Variants in COP1 observed in about 807,000 individuals in gnomAD.
The protein encoded by COP1 is COP1 E3 ubiquitin ligase, also known as E3 ubiquitin-protein ligase COP1.
Under a neutral mutation model 101.3 loss-of-function variants are expected in COP1, and 24 were observed. The observed-to-expected ratio is 0.24, with a 90% CI of 0.17 to 0.33. The LOEUF is 0.33. Ranked by LOEUF, COP1 falls within the 10% of genes least tolerant of loss-of-function variation. The probability of loss-of-function intolerance (pLI) is 1.00; values close to 1 mark genes in which losing one functional copy is unlikely to be tolerated. For missense variants in COP1, 663 were observed against 906.2 expected, an observed-to-expected ratio of 0.73 and a Z score of 3.45; for synonymous variants, 347 against 341.9, an observed-to-expected ratio of 1.01 and a Z score of -0.17.
chr1:176,177,438 C>T lies in COP1; in HGVS notation c.468-1431G>A, dbSNP rs1697121906. ...TATAACACAGTGGATATAATATAAT[C>T]CCACTTCTCTTAAAAAATCATATAT... On this transcript the variant is annotated intron_variant, in intron 2 of 19. Coordinates refer to ENST00000367669, the MANE Select transcript of COP1 (RefSeq NM_022457.7). Among the ~76,000 whole-genome samples, 3 of 151,434 alleles carry T rather than the reference C, an allele frequency of 2.0e-5. No individual in the cohort carries two copies. In the South Asian group the frequency reaches 6.3e-4, roughly 32 times the overall value.
At chr1:176,123,020 CACA>C (rs1485535332) in intron 8 of COP1, among the ~76,000 whole-genome samples, 1 of 152,192 alleles carries the variant, frequency 6.6e-6, no homozygotes, top group African/African-American at 2.4e-5. Flanking sequence ...CAGTTCATTA[CACA>C]ACGTGGTTTA....
chr1:176,031,509 G>A (rs1382487394), intron 14 of COP1, among the ~76,000 whole-genome samples: 3 of 151,860 alleles, frequency 2.0e-5, no homozygotes, highest in African/African-American at 7.3e-5. Context: ...AATTCCCTTC[G>A]AAAGAAAAAG....
At chr1:175,957,253 C>T (rs531994211) in intron 18 of COP1, among the ~76,000 whole-genome samples, 8 of 152,072 alleles carry the variant, frequency 5.3e-5, no homozygotes, top group African/African-American at 1.9e-4. Flanking sequence ...CACTCCCTGA[C>T]TCACCGAGAG....
At chr1:176,041,945 C>G (rs1571871108) in intron 14 of COP1, among the ~76,000 whole-genome samples, 1 of 152,004 alleles carries the variant, frequency 6.6e-6, no homozygotes, top group African/African-American at 2.4e-5. Context: ...AACCCTATCT[C>G]TACTAAAAAT....
chr1:175,969,540 A>T (rs1376347395), intron 18 of COP1, among the ~76,000 whole-genome samples: 1 of 152,158 alleles, frequency 6.6e-6, no homozygotes, highest in Non-Finnish European at 1.5e-5. Context: ...TTACCATTAG[A>T]TCATACCCCT....
intron 18 of COP1, among the ~76,000 whole-genome samples, chr1:175,974,601 C>G (rs567838833): frequency 1.3e-5 from 2 of 151,950 alleles, no homozygotes; most frequent in African/African-American, 4.8e-5. Flanking sequence ...AGATATAAAA[C>G]GTTTAAGATC....
chr1:176,163,721 A>G (rs1224910684), intron 4 of COP1, 94 bp downstream of exon 4: 12 of 766,628 alleles, frequency 1.6e-5, no homozygotes, highest in South Asian at 4.0e-5. Context: ...AGAAAAATCA[A>G]TAATATACTA....
chr1:176,049,178 C>CAAAAAAAA (rs61267982), intron 11 of COP1, among the ~76,000 whole-genome samples: 159 of 118,198 alleles, frequency 1.3e-3, no homozygotes, highest in Non-Finnish European at 2.0e-3. Context: ...GACTCCGTCT[C>CAAAAAAAA]AAAAAAAAAA....
In COP1 at chr1:176,097,161, G is replaced by C. The variant is rs143447702; in HGVS notation, c.1027-11271C>G. Among the ~76,000 whole-genome samples, 256 of 151,860 alleles carry C rather than the reference G, an allele frequency of 1.7e-3. 1 individual carries two copies. The highest frequency in any genetic ancestry group is 5.9e-3 in the African/African-American group (245 of 41,430). On this transcript the variant is annotated intron_variant, in intron 9 of 19. Coordinates refer to ENST00000367669, the MANE Select transcript of COP1 (RefSeq NM_022457.7). ...AGAACACTCAGCTTAATTAAAAGTA[G>C]ATATCCAAGTTGTAGGCATAGGTAA... is the stretch of plus-strand genomic sequence containing the variant.
At chr1:176,201,375 T>G in intron 1 of COP1, among the ~76,000 whole-genome samples, 1 of 152,084 alleles carries the variant, frequency 6.6e-6, no homozygotes, top group Non-Finnish European at 1.5e-5. Flanking sequence ...GTTAAAATAA[T>G]TATATAAAAT....
At chr1:176,178,974 T>A (rs1558267810) in intron 2 of COP1, among the ~76,000 whole-genome samples, 1 of 151,788 alleles carries the variant, frequency 6.6e-6, no homozygotes, top group East Asian at 1.9e-4. Flanking sequence ...CAGGAGAATT[T>A]TTTTTTTTTA....
At chr1:176,002,507 C>G (rs1234221319) in intron 15 of COP1, among the ~76,000 whole-genome samples, 1 of 120,814 alleles carries the variant, frequency 8.3e-6, no homozygotes, top group Non-Finnish European at 1.7e-5. Flanking sequence ...CCTTCCCCTT[C>G]CCCCCCACCC....
intron 1 of COP1, among the ~76,000 whole-genome samples, chr1:176,205,810 C>T (rs1700782535): frequency 6.6e-6 from 1 of 152,202 alleles, no homozygotes; most frequent in Admixed American, 6.5e-5. Flanking sequence ...CCTAGCATTT[C>T]TCAAGTCAGA....
intron 15 of COP1, among the ~76,000 whole-genome samples, chr1:176,006,984 A>G (rs997608690): frequency 6.6e-6 from 1 of 152,188 alleles, no homozygotes; most frequent in East Asian, 1.9e-4. Flanking sequence ...TTTCAGGTAT[A>G]CCAATCAGAT....
chr1:176,185,408 T>G (rs969318910), intron 1 of COP1, among the ~76,000 whole-genome samples: 1 of 151,994 alleles, frequency 6.6e-6, no homozygotes, highest in Admixed American at 6.6e-5. Flanking sequence ...TCTGGTACTT[T>G]AAATACCAAT....
chr1:176,145,018 T>C (rs919334137), intron 6 of COP1, among the ~76,000 whole-genome samples: 5 of 152,252 alleles, frequency 3.3e-5, no homozygotes, highest in South Asian at 2.1e-4. Flanking sequence ...TTTCACTCTA[T>C]TAATATCAGA....
In COP1 at chr1:176,207,054, C is replaced by T; in HGVS notation, c.-76G>A. The T allele has an allele frequency of 8.1e-7, 1 of 1,237,812 alleles. No individual in the cohort carries two copies. Among genetic ancestry groups the T allele is most frequent in the South Asian group, 1.9e-5 (1 of 51,440 alleles). The allele number at this position is 1,237,812 out of a possible 1,614,324, so 76.7% of individuals were successfully genotyped here. A position where few individuals can be genotyped will look rare whatever the true frequency, so the allele number is the denominator to read the frequency against. On this transcript the variant is annotated 5_prime_UTR_variant, in exon 1 of 20. Coordinates refer to ENST00000367669, the MANE Select transcript of COP1 (RefSeq NM_022457.7). ...TCGACCCTCCGCCGCCTCCCCTCCC[C>T]TCAGCCTCAGTGCATCCTGAGGACG...
intron 12 of COP1, among the ~76,000 whole-genome samples, chr1:176,045,350 T>C (rs912404229): frequency 6.6e-6 from 1 of 152,110 alleles, no homozygotes; most frequent in Non-Finnish European, 1.5e-5. Context: ...CAATTATCGA[T>C]ATAGTATTTT....
intron 8 of COP1, 48 bp from the exon 9 acceptor site, chr1:176,116,729 T>C (rs767449206): frequency 2.2e-6 from 3 of 1,340,952 alleles, no homozygotes; most frequent in Non-Finnish European, 3.2e-6. Flanking sequence ...TACATTATTT[T>C]AACAACAGAA....
Sources: gnomAD v4.1 joint callset for allele counts (sites outside exome capture counted in the v4.1 genomes callset) on GRCh38, gnomAD v4.1.1 for gene constraint, MANE v1.5 for transcripts, NCBI Gene and HGNC (gene_info 2026-07-23, HGNC 2026-07-21) for gene names.